Variants in ZFAND3 observed in about 807,000 individuals in gnomAD.
ZFAND3 encodes zinc finger AN1-type containing 3.
Under a neutral mutation model 29.6 loss-of-function variants are expected in ZFAND3, and 10 were observed. The observed-to-expected ratio is 0.34, with a 90% CI of 0.21 to 0.57. ZFAND3 has a LOEUF of 0.57. Among genes scored for constraint, ZFAND3 ranks in the 20% least tolerant of loss-of-function variants. The probability of loss-of-function intolerance (pLI) is 0.86; values close to 1 mark genes in which losing one functional copy is unlikely to be tolerated. For synonymous variants in ZFAND3, 128 were observed against 112.6 expected (o/e 1.14, Z -0.87); for missense variants, 230 against 304.5 (o/e 0.76, Z 1.82).
rs114023037 is a variant in ZFAND3 at position 38,048,837 on chromosome 6, T to G, written c.113-12756T>G. Among the ~76,000 whole-genome samples the G allele has an allele frequency of 1.9e-3, 291 of 152,204 alleles. No individual in the cohort carries two copies. In the Middle Eastern group the frequency reaches 0.024, roughly 12 times the overall value. On this transcript the variant is annotated intron_variant, in intron 2 of 5. Coordinates refer to ENST00000287218, the MANE Select transcript of ZFAND3 (RefSeq NM_021943.3). ...GTATTATACCTCTAAACTTTCCTGT[T>G]TGTTCCTTGCATTTATTTCACATAT...
chr6:37,964,399 A>G (rs1009588621), intron 2 of ZFAND3, among the ~76,000 whole-genome samples: 2 of 152,130 alleles, frequency 1.3e-5, no homozygotes, highest in African/African-American at 4.8e-5. Context: ...GGGAGATTAA[A>G]CTGGTGATGT....
chr6:38,114,417 C>T (rs1310287635), intron 4 of ZFAND3, among the ~76,000 whole-genome samples: 2 of 152,218 alleles, frequency 1.3e-5, no homozygotes, highest in Admixed American at 1.3e-4. Context: ...TTACTCACCA[C>T]ACTGACTGGG....
intron 5 of ZFAND3, among the ~76,000 whole-genome samples, chr6:38,139,484 G>C (rs982047407): frequency 6.6e-6 from 1 of 152,176 alleles, no homozygotes; most frequent in African/African-American, 2.4e-5. Context: ...AACCTAGTCT[G>C]AGGGTCCAGG....
intron 2 of ZFAND3, among the ~76,000 whole-genome samples, chr6:38,016,390 C>T (rs1236315720): frequency 6.6e-6 from 1 of 152,138 alleles, no homozygotes; most frequent in East Asian, 1.9e-4. Context: ...AATACAATAT[C>T]GCTTCTTTTC....
chr6:38,152,557 G>A lies in ZFAND3; in HGVS notation c.*168G>A. ...TACTGTAGTTTAGGGGTTGATGGTG[G>A]TTGAAATTGATTTCTGGCTGGTTAC... is the stretch of plus-strand genomic sequence containing the variant. On this transcript the variant is annotated 3_prime_UTR_variant, in exon 6 of 6. Coordinates refer to ENST00000287218, the MANE Select transcript of ZFAND3 (RefSeq NM_021943.3). 2.3e-6 allele frequency: 3 copies of A among 1,280,472 alleles called. No homozygotes were observed. The highest frequency in any genetic ancestry group is 3.1e-5 in the South Asian group (1 of 32,332). The allele number at this position is 1,280,472 out of a possible 1,614,324, so 79.3% of individuals were successfully genotyped here.
intron 5 of ZFAND3, among the ~76,000 whole-genome samples, chr6:38,122,796 T>C (rs1255797100): frequency 1.3e-5 from 2 of 152,222 alleles, no homozygotes; most frequent in African/African-American, 2.4e-5. Context: ...GCCTATGTTA[T>C]AGTGATATGG....
At chr6:38,116,468 C>A in intron 4 of ZFAND3, 104 bp from the exon 5 acceptor site, 1 of 1,354,936 alleles carries the variant, frequency 7.4e-7, no homozygotes, top group Non-Finnish European at 1.0e-6. Context: ...GATTCCTGGA[C>A]AAGGGCAGTA....
chr6:37,826,514 G>C (rs908993911), intron 1 of ZFAND3, among the ~76,000 whole-genome samples: 4 of 152,114 alleles, frequency 2.6e-5, no homozygotes, highest in Non-Finnish European at 5.9e-5. Flanking sequence ...AGCACTTTGC[G>C]AGGCCAAGGC....
chr6:38,033,356 T>G (rs1411400146), intron 2 of ZFAND3, among the ~76,000 whole-genome samples: 1 of 152,176 alleles, frequency 6.6e-6, no homozygotes, highest in Non-Finnish European at 1.5e-5. Context: ...ATTTTGCCTT[T>G]CTCTGTGTAA....
At chr6:37,827,235 T>C (rs934715416) in intron 1 of ZFAND3, among the ~76,000 whole-genome samples, 1 of 152,214 alleles carries the variant, frequency 6.6e-6, no homozygotes, top group Non-Finnish European at 1.5e-5. Context: ...TAATGGGAAT[T>C]ATAATGTAGT....
intron 2 of ZFAND3, among the ~76,000 whole-genome samples, chr6:38,045,643 CATAAA>C (rs1250216629): frequency 6.6e-6 from 1 of 152,090 alleles, no homozygotes; most frequent in African/African-American, 2.4e-5. Context: ...AAATCTCCCA[CATAAA>C]ATAAGATTAT....
intron 1 of ZFAND3, among the ~76,000 whole-genome samples, chr6:37,825,761 A>T (rs1309496442): frequency 6.6e-6 from 1 of 152,176 alleles, no homozygotes. Context: ...AGTTTTCACA[A>T]ATTAACCTTT....
chr6:37,972,713 T>A (rs1217745154), intron 2 of ZFAND3, among the ~76,000 whole-genome samples: 4 of 151,250 alleles, frequency 2.6e-5, no homozygotes, highest in Middle Eastern at 6.8e-3. Context: ...TTTTTTTTTT[T>A]ACACCATTGG....
intron 2 of ZFAND3, among the ~76,000 whole-genome samples, chr6:38,042,314 T>C (rs1309538777): frequency 2.6e-4 from 1 of 3,848 alleles, no homozygotes; most frequent in Non-Finnish European, 4.5e-3. Flanking sequence ...TTGAGCTTGC[T>C]TTTTTTTTTT....
intron 4 of ZFAND3, among the ~76,000 whole-genome samples, chr6:38,090,206 C>T (rs1314901617): frequency 3.9e-5 from 6 of 152,126 alleles, no homozygotes; most frequent in Non-Finnish European, 5.9e-5. Context: ...TCAAATCTTT[C>T]TTGTTGGTCC....
intron 4 of ZFAND3, 125 bp from the exon 5 acceptor site, chr6:38,116,447 C>G (rs918678954): frequency 8.7e-6 from 10 of 1,145,798 alleles, no homozygotes; most frequent in South Asian, 1.6e-5. Flanking sequence ...AGAACTGGCT[C>G]TCACCTGTCT....
At chr6:37,902,364 G>T (rs975820136) in intron 1 of ZFAND3, among the ~76,000 whole-genome samples, 2 of 152,038 alleles carry the variant, frequency 1.3e-5, no homozygotes, top group Non-Finnish European at 2.9e-5. Context: ...GCACTCGGGG[G>T]GCTGAGGAAG....
chr6:37,900,754 T>G (rs2127400666), intron 1 of ZFAND3, among the ~76,000 whole-genome samples: 1 of 152,300 alleles, frequency 6.6e-6, no homozygotes, highest in Admixed American at 6.5e-5. Context: ...TTTATGGAGT[T>G]GCAGAATCGG....
chr6:37,940,811 A>G (rs1404302365), intron 2 of ZFAND3, among the ~76,000 whole-genome samples: 1 of 152,252 alleles, frequency 6.6e-6, no homozygotes, highest in Non-Finnish European at 1.5e-5. Context: ...AAAATACCTT[A>G]AGACTTCCGG....
Sources: allele counts gnomAD v4.1 joint callset (sites outside exome capture counted in the v4.1 genomes callset), GRCh38; gene constraint gnomAD v4.1.1; transcripts MANE v1.5; gene names NCBI Gene and HGNC (gene_info 2026-07-23, HGNC 2026-07-21).